TMC1: variants seen among roughly 807,000 people sequenced by gnomAD.
The protein encoded by TMC1 is transmembrane channel like 1, also known as transmembrane channel-like protein 1.
A neutral mutation model predicts 105.8 loss-of-function variants in TMC1; 84 were observed. The ratio of observed to expected loss-of-function variants is 0.79; its 90% CI spans 0.67 to 0.95. The LOEUF (loss-of-function observed/expected upper bound fraction) is 0.95, where lower values mean the gene tolerates loss of function less well. Ranked by LOEUF, TMC1 falls within the 40% of genes least tolerant of loss-of-function variation. The pLI is 0.00. For synonymous variants in TMC1, 315 were observed against 311.5 expected (o/e 1.01, Z -0.12); for missense variants, 817 against 914.1 (o/e 0.89, Z 1.37).
At chr9:72,792,151 C>A (rs749663135) in intron 16 of TMC1, 40 bp from the exon 17 acceptor site, 13 of 1,613,822 alleles carry the variant, frequency 8.1e-6, no homozygotes, top group Non-Finnish European at 1.1e-5. Context: ...TTTGAAATCT[C>A]TGTTGTCTTC....
At chr9:72,621,668 C>G (rs1317119760) in intron 3 of TMC1, among the ~76,000 whole-genome samples, 1 of 152,098 alleles carries the variant, frequency 6.6e-6, no homozygotes, top group Non-Finnish European at 1.5e-5. Context: ...CTAAACTGGG[C>G]AGTCAGCTAA....
chr9:72,571,412 A>G (rs1404839818), intron 1 of TMC1, among the ~76,000 whole-genome samples: 1 of 150,390 alleles, frequency 6.6e-6, no homozygotes, highest in African/African-American at 2.4e-5. Flanking sequence ...GGTTTGCAGT[A>G]TCCTGAAGCT....
intron 2 of TMC1, among the ~76,000 whole-genome samples, chr9:72,609,123 C>T (rs1824977811): frequency 6.6e-6 from 1 of 151,978 alleles, no homozygotes. Context: ...TCTCTTCCTA[C>T]CTCCCTTTCT....
intron 1 of TMC1, among the ~76,000 whole-genome samples, chr9:72,563,943 A>AG (rs1313280396): frequency 2.4e-5 from 3 of 125,522 alleles, no homozygotes; most frequent in African/African-American, 9.2e-5. Flanking sequence ...GGGGGAGGGG[A>AG]GGAGATATAG....
chr9:72,726,188 A>G (rs1391755675), intron 8 of TMC1, among the ~76,000 whole-genome samples: 1 of 152,232 alleles, frequency 6.6e-6, no homozygotes, highest in Non-Finnish European at 1.5e-5. Context: ...TATAAAAATT[A>G]GAAATTTTTA....
At chr9:72,708,447 T>C (rs1017283298) in intron 8 of TMC1, among the ~76,000 whole-genome samples, 2 of 152,174 alleles carry the variant, frequency 1.3e-5, no homozygotes, top group African/African-American at 4.8e-5. Context: ...ATTTCAGCCA[T>C]GTTTTGTAGT....
intron 1 of TMC1, among the ~76,000 whole-genome samples, chr9:72,561,833 A>G (rs576615718): frequency 4.6e-4 from 70 of 152,206 alleles, no homozygotes; most frequent in African/African-American, 1.7e-3. Context: ...AGAGTTGGAG[A>G]TGTTTCTTCT....
At chr9:72,530,745 TG>T (rs1226484557) in intron 1 of TMC1, among the ~76,000 whole-genome samples, 2 of 152,044 alleles carry the variant, frequency 1.3e-5, no homozygotes, top group African/African-American at 4.8e-5. Context: ...TATTATAATT[TG>T]TTTATTGAAT....
At chr9:72,616,626 A>G (rs186945564) in intron 3 of TMC1, 149 bp downstream of exon 3, 5 of 151,270 alleles carry the variant, frequency 3.3e-5, no homozygotes, top group East Asian at 3.9e-4. Flanking sequence ...ATAAGAACAG[A>G]GCAGATATCA....
chr9:72,656,015 T>C, intron 5 of TMC1: 1 of 760,356 alleles, frequency 1.3e-6, no homozygotes, highest in South Asian at 1.3e-5. Context: ...ATTCTCAAAG[T>C]CTTAGTAGGC....
intron 18 of TMC1, among the ~76,000 whole-genome samples, chr9:72,813,545 G>A (rs1206109483): frequency 6.6e-6 from 1 of 152,110 alleles, no homozygotes; most frequent in East Asian, 1.9e-4. Context: ...TGCTGTAAAG[G>A]GCTAGATAGT....
intron 3 of TMC1, among the ~76,000 whole-genome samples, chr9:72,622,920 C>T (rs962570390): frequency 6.6e-6 from 1 of 151,572 alleles, no homozygotes; most frequent in South Asian, 2.1e-4. Flanking sequence ...GGTGTGGTGG[C>T]GGGTGCCTGT....
At chr9:72,696,491 T>G (rs1470213634) in intron 7 of TMC1, among the ~76,000 whole-genome samples, 1 of 152,230 alleles carries the variant, frequency 6.6e-6, no homozygotes, top group Non-Finnish European at 1.5e-5. Context: ...CATCTTTTTT[T>G]TAAAAGAAAA....
chr9:72,682,649 T>C (rs1212371658), intron 5 of TMC1, among the ~76,000 whole-genome samples: 1 of 152,216 alleles, frequency 6.6e-6, no homozygotes, highest in Non-Finnish European at 1.5e-5. Flanking sequence ...TTGCACCCTA[T>C]TACTTTTATT....
chr9:72,550,912 T>C (rs1454023027), intron 1 of TMC1, among the ~76,000 whole-genome samples: 1 of 152,112 alleles, frequency 6.6e-6, no homozygotes, highest in Non-Finnish European at 1.5e-5. Context: ...GTGGGTTTAA[T>C]GTAATCACAG....
chr9:72,782,619 A>G (rs1828111146), intron 13 of TMC1, among the ~76,000 whole-genome samples: 1 of 152,234 alleles, frequency 6.6e-6, no homozygotes, highest in Non-Finnish European at 1.5e-5. Flanking sequence ...AAGTTTCAGA[A>G]TAAAAAACCA....
intron 5 of TMC1, among the ~76,000 whole-genome samples, chr9:72,650,005 C>T (rs1000708789): frequency 6.6e-6 from 1 of 152,132 alleles, no homozygotes; most frequent in Non-Finnish European, 1.5e-5. Context: ...CATTTATTAA[C>T]CTTATTGTGC....
intron 8 of TMC1, among the ~76,000 whole-genome samples, chr9:72,703,441 G>T (rs1040741560): frequency 6.6e-6 from 1 of 152,156 alleles, no homozygotes; most frequent in African/African-American, 2.4e-5. Context: ...TCTTTTAAAA[G>T]TGGGAGTAAA....
At chr9:72,812,398 T>C (rs1175587651) in intron 18 of TMC1, among the ~76,000 whole-genome samples, 1 of 152,220 alleles carries the variant, frequency 6.6e-6, no homozygotes, top group Non-Finnish European at 1.5e-5. Context: ...GTATTTTAAG[T>C]GTTCCTTGAA....
Sources: gnomAD v4.1 joint callset for allele counts (sites outside exome capture counted in the v4.1 genomes callset) on GRCh38, gnomAD v4.1.1 for gene constraint, MANE v1.5 for transcripts, NCBI Gene and HGNC (gene_info 2026-07-23, HGNC 2026-07-21) for gene names.